Variants in GALNT14 observed in about 807,000 individuals in gnomAD.
GALNT14 encodes polypeptide N-acetylgalactosaminyltransferase 14, also known as UDP-GalNAc:polypeptide N-acetylgalactosaminyltransferase 14.
A neutral mutation model predicts 77.5 loss-of-function variants in GALNT14; 60 were observed. The observed-to-expected ratio is 0.77, with a 90% CI of 0.63 to 0.96. The LOEUF is 0.96. Among genes scored for constraint, GALNT14 ranks in the 40% least tolerant of loss-of-function variants. GALNT14 has a pLI of 0.00. For synonymous variants in GALNT14, 280 were observed against 281.7 expected, an observed-to-expected ratio of 0.99 and a Z score of 0.06; for missense variants, 710 against 731.0, an observed-to-expected ratio of 0.97 and a Z score of 0.33.
In GALNT14 at chr2:30,966,124, C is replaced by T. The variant is rs146217333; in HGVS notation, c.398+80G>A. On this transcript the variant is annotated intron_variant, in intron 3 of 14. Transcript: ENST00000349752. ...GATGTGTCTGGTGCTCCTAGTACAG[C>T]GCTGGGCACCTGGGGAGCAGACACA... 118 of 1,045,890 alleles carry T rather than the reference C, an allele frequency of 1.1e-4. No individual in the cohort carries two copies. The African/African-American group carries it at 1.5e-3, about 13-fold the overall frequency. 64.8% of individuals were successfully genotyped at this position (1,045,890 alleles called of 1,614,324 possible).
rs1558581366 is a variant in GALNT14, at chr2:31,120,151, G to A, written c.129+17807C>T. ...AGCCTGGGCGACAGAGCGAGACTCCGTCTCAAAAAAAAAAAAAAAAAAAAA... is the reference window on the plus strand; with the variant it reads ...AGCCTGGGCGACAGAGCGAGACTCCATCTCAAAAAAAAAAAAAAAAAAAAA... On this transcript the variant is annotated intron_variant, in intron 1 of 14. Transcript: ENST00000349752. Among the ~76,000 whole-genome samples, 6 of 40,512 alleles carry A rather than the reference G, an allele frequency of 1.5e-4. 1 individual carries two copies. In the South Asian group the frequency reaches 4.3e-3, roughly 29 times the overall value. 26.6% of individuals were successfully genotyped at this position (40,512 alleles called of 152,430 possible).
chr2:31,127,416 T>C (rs1054009881), intron 1 of GALNT14, among the ~76,000 whole-genome samples: 4 of 152,202 alleles, frequency 2.6e-5, no homozygotes, highest in Non-Finnish European at 1.5e-5. Flanking sequence ...ATATATGAAA[T>C]TCAAATATCT....
intron 13 of GALNT14, among the ~76,000 whole-genome samples, chr2:30,922,036 A>C (rs1162699012): frequency 6.6e-6 from 1 of 152,220 alleles, no homozygotes; most frequent in Non-Finnish European, 1.5e-5. Context: ...TGAGGGGTGC[A>C]GGAGAAAGAA....
chr2:30,958,537 A>C, intron 3 of GALNT14, 73 bp from the exon 4 acceptor site: 1 of 1,140,080 alleles, frequency 8.8e-7, no homozygotes, highest in Non-Finnish European at 1.3e-6. Context: ...CGAGTTTTAA[A>C]TAGATACCAT....
chr2:30,933,799 G>A (rs1163139834), intron 9 of GALNT14, among the ~76,000 whole-genome samples: 5 of 152,256 alleles, frequency 3.3e-5, no homozygotes, highest in Admixed American at 2.0e-4. Context: ...ACCTGCTTAA[G>A]CTCGCGGAGG....
intron 1 of GALNT14, among the ~76,000 whole-genome samples, chr2:31,067,929 G>A (rs962503408): frequency 2.0e-5 from 3 of 152,116 alleles, no homozygotes; most frequent in African/African-American, 7.2e-5. Flanking sequence ...AGGCAGGAAG[G>A]CTGGGGACTT....
chr2:31,006,399 A>G (rs915058078), intron 1 of GALNT14, among the ~76,000 whole-genome samples: 6 of 152,118 alleles, frequency 3.9e-5, no homozygotes, highest in Non-Finnish European at 7.4e-5. Flanking sequence ...TATCCTAAGA[A>G]TGTCCCTCGT....
At chr2:30,947,401 G>T (rs1352043721) in intron 6 of GALNT14, among the ~76,000 whole-genome samples, 1 of 152,158 alleles carries the variant, frequency 6.6e-6, no homozygotes, top group Non-Finnish European at 1.5e-5. Flanking sequence ...TCAAAATCAT[G>T]CAGGAAACAT....
intron 10 of GALNT14, among the ~76,000 whole-genome samples, chr2:30,931,154 T>C (rs774574070): frequency 6.6e-6 from 1 of 152,184 alleles, no homozygotes; most frequent in Non-Finnish European, 1.5e-5. Flanking sequence ...CTTCACGTTT[T>C]TGTAAAAGGT....
chr2:30,910,700 G>T lies in GALNT14; in HGVS notation c.*201C>A, dbSNP rs2148192368. ...ACTTAACGGCCTTGAGAACATGTGG[G>T]ATTTGTCTTTGAGCCCCATTGGCTT... On this transcript the variant is annotated 3_prime_UTR_variant, in exon 15 of 15. Coordinates refer to ENST00000349752, the MANE Select transcript of GALNT14 (RefSeq NM_024572.4). 1.8e-6 allele frequency: 1 copy of T among 545,976 alleles called. No homozygotes were observed. The highest frequency in any genetic ancestry group is 3.2e-6 in the Non-Finnish European group (1 of 311,782). The allele number at this position is 545,976 out of a possible 1,614,324, so 33.8% of individuals were successfully genotyped here. A position where few individuals can be genotyped will look rare whatever the true frequency, so the allele number is the denominator to read the frequency against.
intron 1 of GALNT14, among the ~76,000 whole-genome samples, chr2:31,041,099 G>T (rs545182152): frequency 2.6e-5 from 4 of 152,254 alleles, no homozygotes; most frequent in East Asian, 3.9e-4. Context: ...ATTCAGTGCA[G>T]CACGTGTCAA....
intron 1 of GALNT14, among the ~76,000 whole-genome samples, chr2:31,132,023 G>A (rs1370617481): frequency 6.6e-6 from 1 of 152,190 alleles, no homozygotes; most frequent in Non-Finnish European, 1.5e-5. Flanking sequence ...GTCACTTTGG[G>A]AAACAAAGGT....
chr2:30,967,513 T>C (rs1668082150), intron 2 of GALNT14, among the ~76,000 whole-genome samples: 1 of 152,160 alleles, frequency 6.6e-6, no homozygotes, highest in Non-Finnish European at 1.5e-5. Flanking sequence ...GGGCTGGGCG[T>C]GGGTCATCCA....
At chr2:31,110,070 C>T (rs1041564139) in intron 1 of GALNT14, among the ~76,000 whole-genome samples, 2 of 152,138 alleles carry the variant, frequency 1.3e-5, no homozygotes, top group African/African-American at 2.4e-5. Context: ...TACTTGAAAT[C>T]GTTAAAAACA....
chr2:31,056,390 C>T (rs985383586), intron 1 of GALNT14, among the ~76,000 whole-genome samples: 1 of 152,184 alleles, frequency 6.6e-6, no homozygotes, highest in Non-Finnish European at 1.5e-5. Flanking sequence ...ATCAGTAAAT[C>T]CAGATGCAGA....
At chr2:31,137,459 C>A (rs1319016332) in intron 1 of GALNT14, among the ~76,000 whole-genome samples, 1 of 152,226 alleles carries the variant, frequency 6.6e-6, no homozygotes, top group Non-Finnish European at 1.5e-5. Flanking sequence ...TGGCAGCCGC[C>A]CGGGAGGCTG....
the GALNT14 span, among the ~76,000 whole-genome samples, chr2:30,896,769 A>G: frequency 6.6e-6 from 1 of 152,106 alleles, no homozygotes; most frequent in Non-Finnish European, 1.5e-5. Context: ...CTTGGCATGA[A>G]GGCCATTCTC....
chr2:31,094,835 C>T (rs547870118), intron 1 of GALNT14, among the ~76,000 whole-genome samples: 1 of 152,266 alleles, frequency 6.6e-6, no homozygotes, highest in Admixed American at 6.5e-5. Context: ...GGACCCATTG[C>T]TGCCCCAATG....
chr2:31,100,853 T>C (rs1677235375), intron 1 of GALNT14, among the ~76,000 whole-genome samples: 1 of 152,064 alleles, frequency 6.6e-6, no homozygotes, highest in Non-Finnish European at 1.5e-5. Flanking sequence ...AAGACTACCT[T>C]AAGTGAGCTC....
Sources: allele counts gnomAD v4.1 joint callset (sites outside exome capture counted in the v4.1 genomes callset), GRCh38; gene constraint gnomAD v4.1.1; transcripts MANE v1.5; gene names NCBI Gene and HGNC (gene_info 2026-07-23, HGNC 2026-07-21).